MYH9: variants seen among roughly 807,000 people sequenced by gnomAD.
The protein encoded by MYH9 is myosin heavy chain 9.
A neutral mutation model predicts 241.9 loss-of-function variants in MYH9; 29 were observed. That is an observed-to-expected ratio of 0.12 (90% CI 0.09 to 0.16). The LOEUF is 0.16. Ranked by LOEUF, MYH9 falls within the 10% of genes least tolerant of loss-of-function variation. The pLI is 1.00. For synonymous variants in MYH9, 1,047 were observed against 1,062.6 expected, an observed-to-expected ratio of 0.99 and a Z score of 0.29; for missense variants, 1,803 against 2,595.5, an observed-to-expected ratio of 0.69 and a Z score of 6.63.
intron 28 of MYH9, 71 bp downstream of exon 28, chr22:36,294,021 C>G (rs2016748948): frequency 7.7e-6 from 12 of 1,552,732 alleles, no homozygotes; most frequent in African/African-American, 1.4e-5. Flanking sequence ...AGCACACATG[C>G]ACCTGGGGAC....
intron 14 of MYH9, 48 bp downstream of exon 14, chr22:36,312,001 C>A (rs1230977681): frequency 1.2e-6 from 2 of 1,602,202 alleles, no homozygotes; most frequent in Non-Finnish European, 1.7e-6. Flanking sequence ...CTCGACTCCA[C>A]CTCTCCTGTG....
chr22:36,306,326 G>C lies in MYH9; in HGVS notation c.2037+88C>G. On this transcript the variant is annotated intron_variant, in intron 16 of 40. Transcript: ENST00000216181. This position sits in a 1 kb window ranked among gnomAD's most constrained non-coding sequence, Gnocchi z 4.1. ...AGGCTCTGTGCATGCTGGGGGGCTG[G>C]AGGGGTGCTTTTGCTGGGGAGACAG... 1 of 1,531,682 alleles carries C rather than the reference G, an allele frequency of 6.5e-7. No individual in the cohort carries two copies. The highest frequency in any genetic ancestry group is 1.1e-5 in the South Asian group (1 of 87,374). The allele number at this position is 1,531,682 out of a possible 1,614,324, so 94.9% of individuals were successfully genotyped here.
chr22:36,384,237 C>T (rs541752134), intron 1 of MYH9, among the ~76,000 whole-genome samples: 9 of 151,682 alleles, frequency 5.9e-5, no homozygotes, highest in African/African-American at 2.2e-4. Context: ...TGCCACTGCA[C>T]TCTAGCCTGG....
At chr22:36,386,799 G>A (rs1313999145) in intron 1 of MYH9, among the ~76,000 whole-genome samples, 1 of 152,260 alleles carries the variant, frequency 6.6e-6, no homozygotes, top group Non-Finnish European at 1.5e-5. Context: ...TGAGGGTGCC[G>A]CAGTCCTGTC....
intron 14 of MYH9, among the ~76,000 whole-genome samples, chr22:36,311,419 T>A (rs2017061870): frequency 1.3e-5 from 2 of 152,060 alleles, no homozygotes; most frequent in Non-Finnish European, 2.9e-5. Context: ...CATTTTGGGT[T>A]GTCACAACTA....
At chr22:36,339,449 T>C (rs571500275) in intron 3 of MYH9, among the ~76,000 whole-genome samples, 1 of 152,340 alleles carries the variant, frequency 6.6e-6, no homozygotes, top group East Asian at 1.9e-4. Context: ...AGTTAGCATT[T>C]TGAAACAGAC....
At position 36,285,274 on chromosome 22, in the gene MYH9, T is replaced by C; in HGVS notation, c.5330A>G (p.Glu1777Gly). Reference sequence around the variant, plus strand: ...GCGTTCCAGCTGCTGCCGAGCATTCTCGTTCTTCTGGGCGTGGCTGCGCTC... The same window carrying C: ...GCGTTCCAGCTGCTGCCGAGCATTCCCGTTCTTCTGGGCGTGGCTGCGCTC... ...NLERSHAQKN[E>G]NARQQLERQN... The change falls in exon 38 of 41, where the codon GAG (glutamate) becomes GGG (glycine). Residue 1777 changes from glutamate (E) to glycine (G), a missense_variant. Physicochemically the swap from Glu to Gly is moderately conservative, Grantham distance 98. Around this residue, in one of 11 missense-constraint regions of MYH9, gnomAD observed 876 missense variants for 1,077.8 expected, o/e 0.81. Coordinates refer to ENST00000216181, the MANE Select transcript of MYH9 (RefSeq NM_002473.6). This position sits in a 1 kb window ranked among gnomAD's most constrained non-coding sequence, Gnocchi z 7.0. 6.2e-7 allele frequency: 1 copy of C among 1,613,984 alleles called. No homozygotes were observed. The highest frequency in any genetic ancestry group is 1.1e-5 in the South Asian group (1 of 91,084).
In MYH9 at chr22:36,367,154, C is replaced by T. The variant is rs369396665; in HGVS notation, c.-19-17899G>A. On this transcript the variant is annotated intron_variant, in intron 1 of 40. Coordinates refer to ENST00000216181, the MANE Select transcript of MYH9 (RefSeq NM_002473.6). ...GCGGCCTCCTTTTCTACCAAGGCAA[C>T]ATGAACAAAGACTTGAGGCAGGATC... 7.2e-5 allele frequency among the ~76,000 whole-genome samples: 11 copies of T among 152,172 alleles called. No individual in the cohort carries two copies. The East Asian group carries it at 2.1e-3, about 29-fold the overall frequency.
chr22:36,354,010 C>A (rs1384224929), intron 1 of MYH9, among the ~76,000 whole-genome samples: 1 of 152,178 alleles, frequency 6.6e-6, no homozygotes, highest in African/African-American at 2.4e-5. Context: ...AAGCGATTCT[C>A]CCACCTCAGC....
At chr22:36,301,122 A>T in intron 21 of MYH9, 65 bp from the exon 22 acceptor site, 1 of 1,501,710 alleles carries the variant, frequency 6.7e-7, no homozygotes, top group Non-Finnish European at 9.2e-7. Context: ...ATCCTCAAGG[A>T]CGGACGCCAT....
intron 1 of MYH9, 131 bp from the exon 2 acceptor site, chr22:36,349,386 T>G (rs1378040522): frequency 1.4e-6 from 1 of 730,352 alleles, no homozygotes; most frequent in East Asian, 2.7e-5. Flanking sequence ...ATAACCAGGC[T>G]GCACAACTTT....
In MYH9 at chr22:36,288,208, A is replaced by T; in HGVS notation, c.4932+44T>A. The T allele has an allele frequency of 6.2e-7, 1 of 1,610,382 alleles. No individual in the cohort carries two copies. On this transcript the variant is annotated intron_variant, in intron 34 of 40. Transcript: ENST00000216181. The surrounding 1 kb of genome is among the most constrained non-coding windows in gnomAD (Gnocchi z 4.8). The stretch of plus-strand genomic sequence containing the variant: ...TGGCACCTTCATATGTAGTTGGCTC[A>T]GTCGGGTGCCGCCCACCCTCACCTG...
intron 24 of MYH9, 30 bp downstream of exon 24, chr22:36,298,889 C>A (rs2016830438): frequency 1.9e-6 from 3 of 1,612,026 alleles, no homozygotes; most frequent in Non-Finnish European, 8.5e-7. Context: ...CCAGCCCCTG[C>A]CCATCACCTC....
At chr22:36,387,756 G>C (rs925722746) in intron 1 of MYH9, 51 bp downstream of exon 1, 1 of 151,868 alleles carries the variant, frequency 6.6e-6, no homozygotes, top group Admixed American at 6.6e-5. Flanking sequence ...TCTCGCCCCC[G>C]CCCGCCCGCC....
chr22:36,355,432 G>A (rs1156252566), intron 1 of MYH9, among the ~76,000 whole-genome samples: 1 of 151,302 alleles, frequency 6.6e-6, no homozygotes, highest in Non-Finnish European at 1.5e-5. Context: ...TTACTTATTT[G>A]TGGGTTTGTC....
chr22:36,373,806 G>A (rs2018123615), intron 1 of MYH9, among the ~76,000 whole-genome samples: 1 of 152,160 alleles, frequency 6.6e-6, no homozygotes, highest in South Asian at 2.1e-4. Context: ...ATGAAAAATG[G>A]TCCCTCTCCT....
At chr22:36,355,796 C>G (rs956542656) in intron 1 of MYH9, among the ~76,000 whole-genome samples, 1 of 152,164 alleles carries the variant, frequency 6.6e-6, no homozygotes, top group Non-Finnish European at 1.5e-5. Flanking sequence ...CCTTAGCTGC[C>G]TTACTGGTGA....
intron 15 of MYH9, among the ~76,000 whole-genome samples, chr22:36,307,748 C>T (rs1354487081): frequency 6.6e-6 from 1 of 152,090 alleles, no homozygotes; most frequent in Admixed American, 6.5e-5. Context: ...GTTAGCTGGG[C>T]GTGGTGGCGG....
At chr22:36,365,743 G>C (rs1444734580) in intron 1 of MYH9, among the ~76,000 whole-genome samples, 1 of 152,172 alleles carries the variant, frequency 6.6e-6, no homozygotes, top group Non-Finnish European at 1.5e-5. Flanking sequence ...TTACAGGCAT[G>C]AGCCACCGCA....
Sources: allele counts gnomAD v4.1 joint callset (sites outside exome capture counted in the v4.1 genomes callset), GRCh38; gene constraint gnomAD v4.1.1; regional missense constraint gnomAD v4.1.1; non-coding constraint Gnocchi (gnomAD v3.1); transcripts MANE v1.5; gene names NCBI Gene and HGNC (gene_info 2026-07-23, HGNC 2026-07-21).